The following SMYD2 variants were observed in gnomAD, a reference collection of about 807,000 sequenced individuals.
The protein encoded by SMYD2 is SET and MYND domain containing 2.
In SMYD2, 53 loss-of-function variants were observed where a neutral mutation model predicts 59.1. The ratio of observed to expected loss-of-function variants is 0.90; its 90% CI spans 0.72 to 1.13. SMYD2 has a LOEUF of 1.13. Among genes scored for constraint, SMYD2 ranks in the 50% most tolerant of loss-of-function variants. SMYD2 has a pLI of 0.00. For missense variants in SMYD2, 494 were observed against 544.7 expected, an observed-to-expected ratio of 0.91 and a Z score of 0.93; for synonymous variants, 208 against 198.8, an observed-to-expected ratio of 1.05 and a Z score of -0.39.
chr1:214,330,158 G>A lies in SMYD2; in HGVS notation c.706-10G>A, dbSNP rs1481207007. 4 of 1,572,054 alleles carry A rather than the reference G, an allele frequency of 2.5e-6. No homozygotes were observed. The highest frequency in any genetic ancestry group is 3.5e-6 in the Non-Finnish European group (4 of 1,149,018). Reference sequence around the variant, plus strand: ...AGCAGACTGAAGCTTTATCTTTTTGGACCCCGTAGGTTTTTACCAGCTATA... The same window carrying A: ...AGCAGACTGAAGCTTTATCTTTTTGAACCCCGTAGGTTTTTACCAGCTATA... On this transcript the variant is annotated splice_polypyrimidine_tract_variant and intron_variant, in intron 7 of 11. Coordinates refer to ENST00000366957, the MANE Select transcript of SMYD2 (RefSeq NM_020197.3).
At chr1:214,284,623 G>T (rs1161380576) in intron 1 of SMYD2, among the ~76,000 whole-genome samples, 1 of 151,326 alleles carries the variant, frequency 6.6e-6, no homozygotes, top group Non-Finnish European at 1.5e-5. Flanking sequence ...CTGGAGTGCA[G>T]TGGCACGATC....
chr1:214,324,774 A>G, intron 6 of SMYD2, 66 bp downstream of exon 6: 1 of 1,443,274 alleles, frequency 6.9e-7, no homozygotes, highest in Non-Finnish European at 9.6e-7. Context: ...TTTTTTTTTC[A>G]TTTTTAAATA....
intron 2 of SMYD2, among the ~76,000 whole-genome samples, chr1:214,306,803 A>G (rs566001742): frequency 3.7e-4 from 56 of 152,222 alleles, no homozygotes; most frequent in Non-Finnish European, 7.3e-4. Flanking sequence ...AGTTCAGATC[A>G]TACAGCATGG....
rs377314216 is a variant in SMYD2, at chr1:214,328,111, G to C, written c.705+387G>C. ...TCCCTATTGCCAAACAACTGAGCTT[G>C]AGCCTTATTTTATTTTATTTTTTTT... On this transcript the variant is annotated intron_variant, in intron 7 of 11. Transcript: ENST00000366957. Among the ~76,000 whole-genome samples, 12 of 152,236 alleles carry C rather than the reference G, an allele frequency of 7.9e-5. No individual in the cohort carries two copies. In the South Asian group the frequency reaches 8.3e-4, roughly 11 times the overall value.
At chr1:214,329,185 C>T (rs1571934479) in intron 7 of SMYD2, among the ~76,000 whole-genome samples, 1 of 152,180 alleles carries the variant, frequency 6.6e-6, no homozygotes, top group East Asian at 1.9e-4. Context: ...TTGGGGATTA[C>T]TTACCCTTCA....
Position 214,329,144 on chromosome 1 carries a change from G to A in SMYD2, c.706-1024G>A, listed in dbSNP as rs113084897. On this transcript the variant is annotated intron_variant, in intron 7 of 11. Transcript: ENST00000366957. ...CCTTATGTTCTCCCAGATCTGAAAC[G>A]CAGTAACCTCATTTTTGGGAAGTCA... 1.8e-3 allele frequency among the ~76,000 whole-genome samples: 274 copies of A among 152,334 alleles called. 1 individual carries two copies. The highest frequency in any genetic ancestry group is 6.3e-3 in the African/African-American group (261 of 41,582).
intron 2 of SMYD2, among the ~76,000 whole-genome samples, chr1:214,307,761 C>T (rs532851499): frequency 1.3e-5 from 2 of 152,248 alleles, no homozygotes; most frequent in South Asian, 2.1e-4. Flanking sequence ...ATCCCAGATT[C>T]GCAGACCCAG....
At chr1:214,323,775 A>G (rs893239665) in intron 5 of SMYD2, among the ~76,000 whole-genome samples, 4 of 152,076 alleles carry the variant, frequency 2.6e-5, no homozygotes, top group Admixed American at 6.5e-5. Flanking sequence ...GGTGGCCTGT[A>G]GGTGATTTGG....
chr1:214,306,399 C>T (rs1269978183), intron 2 of SMYD2, among the ~76,000 whole-genome samples: 1 of 152,170 alleles, frequency 6.6e-6, no homozygotes, highest in East Asian at 1.9e-4. Context: ...GACAGCGGCC[C>T]CTCCCCAGAA....
At position 214,327,690 on chromosome 1, in the gene SMYD2, T is replaced by TC; in HGVS notation, c.672dup (p.Arg225GlnfsTer18). 8 of 1,614,180 alleles carry TC rather than the reference T, an allele frequency of 5.0e-6. No individual in the cohort carries two copies. The highest frequency in any genetic ancestry group is 6.8e-6 in the Non-Finnish European group (8 of 1,180,014). On this transcript the variant is annotated frameshift_variant, in exon 7 of 12. Coordinates refer to ENST00000366957, the MANE Select transcript of SMYD2 (RefSeq NM_020197.3). LOFTEE classifies it high-confidence loss of function. ...ACCTACAAAGGGACCCTGGCAGAAG[T>TC]CAGAGCTGTACAGGAAATCAAGCCG...
At chr1:214,301,640 A>G (rs891979725) in intron 1 of SMYD2, among the ~76,000 whole-genome samples, 2 of 152,146 alleles carry the variant, frequency 1.3e-5, no homozygotes, top group Admixed American at 6.5e-5. Flanking sequence ...TTGAAAACTC[A>G]AATTTTATCA....
At chr1:214,289,308 G>GTTAA (rs1444364733) in intron 1 of SMYD2, among the ~76,000 whole-genome samples, 4 of 152,076 alleles carry the variant, frequency 2.6e-5, no homozygotes, top group African/African-American at 9.7e-5. Flanking sequence ...TTGAACTTAG[G>GTTAA]TTAATATTCC....
At position 214,281,205 on chromosome 1, in the gene SMYD2, G is replaced by A; in HGVS notation, c.-50G>A. ...GGTGACGCGTCTCCAATAACAGCTC[G>A]CCGGGAGCCGCAGCTCGGGCACAGC... On this transcript the variant is annotated 5_prime_UTR_variant, in exon 1 of 12. Coordinates refer to ENST00000366957, the MANE Select transcript of SMYD2 (RefSeq NM_020197.3). 8.3e-7 allele frequency: 1 copy of A among 1,208,874 alleles called. No homozygotes were observed. Among genetic ancestry groups the A allele is most frequent in the East Asian group, 3.3e-5 (1 of 30,130 alleles). 74.9% of individuals were successfully genotyped at this position (1,208,874 alleles called of 1,614,324 possible).
At chr1:214,326,914 G>C (rs1657272736) in intron 6 of SMYD2, among the ~76,000 whole-genome samples, 1 of 152,208 alleles carries the variant, frequency 6.6e-6, no homozygotes, top group African/African-American at 2.4e-5. Context: ...GATTTCAAAG[G>C]CAGCATTTTC....
intron 9 of SMYD2, chr1:214,331,809 CTTGAG>C (rs765654596): frequency 1.7e-4 from 93 of 542,438 alleles, no homozygotes; most frequent in East Asian, 5.4e-4. Flanking sequence ...GGCTAAAATT[CTTGAG>C]TTGAGCGGTT....
chr1:214,319,691 T>C, intron 5 of SMYD2, among the ~76,000 whole-genome samples: 1 of 152,208 alleles, frequency 6.6e-6, no homozygotes, highest in East Asian at 1.9e-4. Context: ...CTTCCTGTTA[T>C]CGTGAGGGTG....
chr1:214,289,091 C>T (rs1361033623), intron 1 of SMYD2, among the ~76,000 whole-genome samples: 1 of 152,100 alleles, frequency 6.6e-6, no homozygotes, highest in African/African-American at 2.4e-5. Context: ...TTGCACACCA[C>T]CTGTGAGAAG....
rs1343952523 is a variant in SMYD2, at chr1:214,305,444, C to G, written c.237+194C>G. Among the ~76,000 whole-genome samples the G allele has an allele frequency of 2.0e-5, 3 of 152,202 alleles. No homozygotes were observed. In the East Asian group the frequency reaches 5.8e-4, roughly 29 times the overall value. On this transcript the variant is annotated intron_variant, in intron 2 of 11. Transcript: ENST00000366957. ...GCAGTAAACCGTTTGAGGCCGCATG[C>G]AGGACCAACATCGAGGTGCAGGAGA...
At chr1:214,307,787 G>A (rs1338679391) in intron 2 of SMYD2, among the ~76,000 whole-genome samples, 2 of 152,216 alleles carry the variant, frequency 1.3e-5, no homozygotes, top group African/African-American at 4.8e-5. Context: ...TCATTTGTAA[G>A]CGTGCAATGA....
Sources: gnomAD v4.1 joint callset for allele counts (sites outside exome capture counted in the v4.1 genomes callset) on GRCh38, gnomAD v4.1.1 for gene constraint, MANE v1.5 for transcripts, NCBI Gene and HGNC (gene_info 2026-07-23, HGNC 2026-07-21) for gene names.